USP35: variants seen among roughly 807,000 people sequenced by gnomAD.
USP35 encodes ubiquitin specific peptidase 35.
A neutral mutation model predicts 83.8 loss-of-function variants in USP35; 69 were observed. The observed-to-expected ratio is 0.82, with a 90% CI of 0.68 to 1.01. The LOEUF is 1.01. Among genes scored for constraint, USP35 ranks in the 50% least tolerant of loss-of-function variants. The pLI, the probability that USP35 is intolerant of heterozygous loss-of-function variation, is 0.00. For missense variants in USP35, 1,503 were observed against 1,362.5 expected (o/e 1.10, Z -1.62); for synonymous variants, 714 against 589.5 (o/e 1.21, Z -3.06).
At chr11:78,213,429 C>T (rs1590922218) in intron 10 of USP35, among the ~76,000 whole-genome samples, 1 of 152,142 alleles carries the variant, frequency 6.6e-6, no homozygotes. Flanking sequence ...CTAGTATCAG[C>T]TGGCTCAGGG....
chr11:78,210,962 T>G (rs984520449), intron 10 of USP35, among the ~76,000 whole-genome samples: 1 of 152,206 alleles, frequency 6.6e-6, no homozygotes, highest in Non-Finnish European at 1.5e-5. Context: ...TTTTTTAAGT[T>G]CCAGGGTACA....
At chr11:78,222,326 C>T in the USP35 span, 16 of 651,048 alleles carry the variant, frequency 2.5e-5, no homozygotes, top group Non-Finnish European at 3.7e-5. Flanking sequence ...GGGAAACTGA[C>T]GCTCAGCGAG....
the USP35 span, among the ~76,000 whole-genome samples, chr11:78,228,094 C>G: frequency 6.6e-6 from 1 of 152,196 alleles, no homozygotes; most frequent in East Asian, 1.9e-4. Flanking sequence ...CTGATACGTG[C>G]TGTGTGTATC....
chr11:78,226,441 G>A, the USP35 span: 1 of 1,565,568 alleles, frequency 6.4e-7, no homozygotes, highest in Non-Finnish European at 8.8e-7. Flanking sequence ...CTCCCTCTGA[G>A]TCTCAGCTAG....
the USP35 span, chr11:78,222,118 A>G: frequency 6.2e-7 from 1 of 1,612,106 alleles, no homozygotes; most frequent in Non-Finnish European, 8.5e-7. Context: ...GCCCTAGACC[A>G]AGACTTGGTG....
chr11:78,198,788 C>A, intron 3 of USP35: 1 of 778,082 alleles, frequency 1.3e-6, no homozygotes, highest in Non-Finnish European at 1.6e-6. Flanking sequence ...AGTTACTCAA[C>A]CTCTCTGTTT....
intron 3 of USP35, among the ~76,000 whole-genome samples, chr11:78,198,495 A>C (rs1455673399): frequency 1.3e-5 from 2 of 152,058 alleles, no homozygotes; most frequent in African/African-American, 4.8e-5. Flanking sequence ...CATATCCCCC[A>C]CCTCATCTGA....
At chr11:78,213,610 TTC>T (rs1491365753) in intron 10 of USP35, 34 bp from the exon 11 acceptor site, 11 of 1,448,916 alleles carry the variant, frequency 7.6e-6, no homozygotes, top group South Asian at 1.6e-5. Context: ...AGGGTGTGAA[TTC>T]TAAGTCTAAG....
Position 78,199,692 on chromosome 11 carries a change from T to C in USP35, c.904T>C (p.Leu302=). 2 of 1,614,208 alleles carry C rather than the reference T, an allele frequency of 1.2e-6. No homozygotes were observed. Among genetic ancestry groups the C allele is most frequent in the East Asian group, 4.5e-5 (2 of 44,882 alleles). ...GLAAVKKFSI[L]IEVSLTKIEK... is the part of the protein sequence containing the mutation. ...GGCTGCTGTTAAGAAGTTCAGCATC[T>C]TGATCGAGGTTTCGCTCACCAAAAT... Residue 302 remains leucine (L), a synonymous_variant, in exon 4 of 11, where the codon TTG becomes CTG. Transcript: ENST00000529308.
At chr11:78,189,961 G>C (rs1321305879) in intron 1 of USP35, among the ~76,000 whole-genome samples, 2 of 152,208 alleles carry the variant, frequency 1.3e-5, no homozygotes, top group African/African-American at 4.8e-5. Context: ...TCAGACACCT[G>C]AGGGGCCAGA....
intron 6 of USP35, among the ~76,000 whole-genome samples, chr11:78,201,417 A>G (rs928615299): frequency 3.9e-5 from 6 of 152,222 alleles, no homozygotes; most frequent in Non-Finnish European, 7.3e-5. Flanking sequence ...AGTCTCCTCC[A>G]TTGAGAGGAT....
rs759437594 is a variant in USP35, at chr11:78,209,931, AGTG to A, written c.2078_2080del (p.Val693del). ...AGGAGGAGAGAACGGAGAAGGAAGA[AGTG>A]GGGGAGGAGGAGGAAAGCACCAGAG... On this transcript the variant is annotated inframe_deletion, in exon 10 of 11. Coordinates refer to ENST00000529308, the MANE Select transcript of USP35 (RefSeq NM_020798.4). 5.0e-6 allele frequency: 8 copies of A among 1,604,746 alleles called. No individual in the cohort carries two copies. In the East Asian group the frequency reaches 9.0e-5, roughly 18 times the overall value.
chr11:78,212,998 G>C (rs530160291), intron 10 of USP35, among the ~76,000 whole-genome samples: 1 of 152,210 alleles, frequency 6.6e-6, no homozygotes, highest in Non-Finnish European at 1.5e-5. Flanking sequence ...TGAGCAGCTG[G>C]AACAGCATGG....
intron 1 of USP35, among the ~76,000 whole-genome samples, chr11:78,190,149 G>A (rs1285257290): frequency 1.3e-5 from 2 of 152,216 alleles, no homozygotes; most frequent in South Asian, 2.1e-4. Flanking sequence ...CCTGGAGCAG[G>A]GAGAGGTTGA....
chr11:78,211,085 C>G (rs1863753919), intron 10 of USP35, among the ~76,000 whole-genome samples: 1 of 152,092 alleles, frequency 6.6e-6, no homozygotes, highest in Non-Finnish European at 1.5e-5. Flanking sequence ...CTTCCTGAAG[C>G]TCGCCCTCCC....
chr11:78,211,886 G>A (rs1259532923), intron 10 of USP35, among the ~76,000 whole-genome samples: 2 of 152,062 alleles, frequency 1.3e-5, no homozygotes, highest in Non-Finnish European at 1.5e-5. Flanking sequence ...TTTTCATTCT[G>A]TAGGTTGTGT....
Position 78,210,294 on chromosome 11 carries a change from C to CGACCTGCGCACCATG in USP35, c.2440_2454dup (p.Asp814_Met818dup). 1 of 1,614,056 alleles carries CGACCTGCGCACCATG rather than the reference C, an allele frequency of 6.2e-7. No individual in the cohort carries two copies. Among genetic ancestry groups the CGACCTGCGCACCATG allele is most frequent in the East Asian group, 2.2e-5 (1 of 44,888 alleles). Reference sequence around the variant, plus strand: ...TCCTCACACTGCTGCGCTTCTCTTTCGACCTGCGCACCATGCGGCGCCGCA... The same window carrying CGACCTGCGCACCATG: ...TCCTCACACTGCTGCGCTTCTCTTTCGACCTGCGCACCATGGACCTGCGCACCATGCGGCGCCGCA... On this transcript the variant is annotated inframe_insertion, in exon 10 of 11. Coordinates refer to ENST00000529308, the MANE Select transcript of USP35 (RefSeq NM_020798.4).
chr11:78,217,365 C>CTAAACTAATGCTAGGAGGAGA (rs1864200274), downstream of USP35: 1 of 152,186 alleles, frequency 6.6e-6, no homozygotes, highest in African/African-American at 2.4e-5. Context: ...TTGAGTTGAT[C>CTAAACTAATGCTAGGAGGAGA]TAAACTAATG....
At position 78,196,677 on chromosome 11, in the gene USP35, G is replaced by A. The variant is rs1195427950; in HGVS notation, c.432G>A (p.Val144=). The A allele has an allele frequency of 1.4e-6, 2 of 1,479,870 alleles. No homozygotes were observed. The highest frequency in any genetic ancestry group is 5.4e-5 in the East Asian group (2 of 36,734). The allele number at this position is 1,479,870 out of a possible 1,614,324, so 91.7% of individuals were successfully genotyped here. Residue 144 remains valine, a synonymous_variant, in exon 2 of 11, where the codon GTG becomes GTA. Coordinates refer to ENST00000529308, the MANE Select transcript of USP35 (RefSeq NM_020798.4). This position sits in a 1 kb window ranked among gnomAD's most constrained non-coding sequence, Gnocchi z 4.8. ...CGGGCCCCGCGGCCTGCGCGCAGGT[G>A]GCACGGCTGCTGGCTCGCCACCCGC... The part of the protein sequence containing the change: ...ERPGPAACAQ[V]ARLLARHPRC...
Sources: allele counts gnomAD v4.1 joint callset (sites outside exome capture counted in the v4.1 genomes callset), GRCh38; gene constraint gnomAD v4.1.1; non-coding constraint Gnocchi (gnomAD v3.1); transcripts MANE v1.5; gene names NCBI Gene and HGNC (gene_info 2026-07-23, HGNC 2026-07-21).